Variants in DSP observed in about 807,000 individuals in gnomAD.
The protein encoded by DSP is desmoplakin, also known as 250/210 kDa paraneoplastic pemphigus antigen.
DSP carries 114 observed loss-of-function variants against 290.6 expected under a neutral mutation model. That is an observed-to-expected ratio of 0.39 (90% confidence interval 0.34 to 0.46). DSP has a LOEUF of 0.46. Ranked by LOEUF, DSP falls within the 20% of genes least tolerant of loss-of-function variation. The probability of loss-of-function intolerance (pLI) is 0.99; values close to 1 mark genes in which losing one functional copy is unlikely to be tolerated. For missense variants in DSP, 3,230 were observed against 3,495.8 expected, an observed-to-expected ratio of 0.92 and a Z score of 1.92; for synonymous variants, 1,311 against 1,316.4, an observed-to-expected ratio of 1.00 and a Z score of 0.09.
chr6:7,570,569 T>C lies in DSP; in HGVS notation c.1701+6T>C, dbSNP rs1759015188. ...GGGCCATGACAATCGCCAAGGTATGTCCTCAGGGCCACTTAGGCTGCCTGG... is the reference window on the plus strand; with the variant it reads ...GGGCCATGACAATCGCCAAGGTATGCCCTCAGGGCCACTTAGGCTGCCTGG... On this transcript the variant is annotated splice_donor_region_variant and intron_variant, in intron 13 of 23. Transcript: ENST00000379802. 1 of 1,612,684 alleles carries C rather than the reference T, an allele frequency of 6.2e-7. No individual in the cohort carries two copies. The highest frequency in any genetic ancestry group is 8.5e-7 in the Non-Finnish European group (1 of 1,180,000).
In DSP at chr6:7,586,466, T is replaced by TCTTTG. The variant is rs916012575; in HGVS notation, c.*592_*593insGCTTT. 6 of 152,290 alleles carry TCTTTG rather than the reference T, an allele frequency of 3.9e-5. No individual in the cohort carries two copies. The highest frequency in any genetic ancestry group is 1.2e-4 in the African/African-American group (5 of 41,454). The allele number at this position is 152,290 out of a possible 1,614,324, so 9.4% of individuals were successfully genotyped here. Reference sequence around the variant, plus strand: ...ATTTGACTGTGCATGACAGCGGCAATCTTTTCTTTGGTCAAAGTTTTCTGT... The same window carrying TCTTTG: ...ATTTGACTGTGCATGACAGCGGCAATCTTTGCTTTTCTTTGGTCAAAGTTTTCTGT... On this transcript the variant is annotated 3_prime_UTR_variant, in exon 24 of 24. Transcript: ENST00000379802.
chr6:7,579,529 A>T lies in DSP; in HGVS notation c.3339A>T (p.Arg1113=), dbSNP rs142413512. The change falls in exon 23 of 24, where the codon CGA becomes CGT. Residue 1113 remains arginine, a synonymous_variant. Coordinates refer to ENST00000379802, the MANE Select transcript of DSP (RefSeq NM_004415.4). This position sits in a 1 kb window ranked among gnomAD's most constrained non-coding sequence, Gnocchi z 4.1. The stretch of plus-strand genomic sequence containing the variant: ...AAGAACTCAATGAGAAGATCACCCG[A>T]CTGACTTATGAGATTGAAGATGAAA... The part of the protein sequence containing the change: ...QIKELNEKIT[R]LTYEIEDEKR... The T allele has an allele frequency of 6.2e-7, 1 of 1,613,866 alleles. No individual in the cohort carries two copies. The highest frequency in any genetic ancestry group is 1.3e-5 in the African/African-American group (1 of 74,920).
chr6:7,571,724 T>C, intron 14 of DSP, 118 bp from the exon 15 acceptor site: 2 of 1,497,334 alleles, frequency 1.3e-6, no homozygotes, highest in Non-Finnish European at 1.9e-6. Context: ...TTTTCAGAAT[T>C]GATTCTGAAA....
chr6:7,576,794 A>C (rs1282163819), intron 19 of DSP, among the ~76,000 whole-genome samples, 165 bp from the exon 20 acceptor site: 2 of 152,326 alleles, frequency 1.3e-5, no homozygotes, highest in African/African-American at 2.4e-5. Flanking sequence ...CTCTGAATGG[A>C]AAAAATGCTC....
At position 7,567,469 on chromosome 6, in the gene DSP, A is replaced by G. The variant is rs2113672635; in HGVS notation, c.1140+20A>G. 6.3e-7 allele frequency: 1 copy of G among 1,599,518 alleles called. No homozygotes were observed. The highest frequency in any genetic ancestry group is 8.6e-7 in the Non-Finnish European group (1 of 1,167,640). Reference sequence around the variant, plus strand: ...TTTCAGGTTTTTATATTTAGTGATAATTTTGTTGTTATTTAGGTCTTAATA... The same window carrying G: ...TTTCAGGTTTTTATATTTAGTGATAGTTTTGTTGTTATTTAGGTCTTAATA... On this transcript the variant is annotated intron_variant, in intron 9 of 23. Transcript: ENST00000379802.
chr6:7,565,835 G>C lies in DSP; in HGVS notation c.939+315G>C. The C allele has an allele frequency of 2.5e-6, 1 of 406,820 alleles. No homozygotes were observed. The highest frequency in any genetic ancestry group is 2.1e-5 in the South Asian group (1 of 47,238). 25.2% of individuals were successfully genotyped at this position (406,820 alleles called of 1,614,324 possible). On this transcript the variant is annotated intron_variant, in intron 7 of 23. Coordinates refer to ENST00000379802, the MANE Select transcript of DSP (RefSeq NM_004415.4). The surrounding 1 kb of genome is among the most constrained non-coding windows in gnomAD (Gnocchi z 4.2). ...GGGGCCTTTCGGAGGGCAGAGGGTG[G>C]AGGTGGAAGGAGGGAGAGGATCAGG...
At position 7,579,714 on chromosome 6, in the gene DSP, G is replaced by C; in HGVS notation, c.3524G>C (p.Arg1175Thr). ...AAGGAGTACGAGATTGAAAGGTTGA[G>C]GGTTCTACTGCAGGAAGAAGGCACC... ...KEKEYEIERL[R>T]VLLQEEGTRK... Residue 1175 changes from arginine (R) to threonine (T), a missense_variant, in exon 23 of 24, where the codon AGG becomes ACG. By Grantham distance (71) the Arg-to-Thr change is moderately conservative. Transcript: ENST00000379802. The surrounding 1 kb of genome is among the most constrained non-coding windows in gnomAD (Gnocchi z 4.1). 6.2e-7 allele frequency: 1 copy of C among 1,613,632 alleles called. No individual in the cohort carries two copies. Among genetic ancestry groups the C allele is most frequent in the Non-Finnish European group, 8.5e-7 (1 of 1,179,782 alleles).
chr6:7,541,893 C>A lies in DSP; in HGVS notation c.-23C>A. 3 of 1,602,082 alleles carry A rather than the reference C, an allele frequency of 1.9e-6. No individual in the cohort carries two copies. The highest frequency in any genetic ancestry group is 2.6e-6 in the Non-Finnish European group (3 of 1,176,386). ...CCTCGCTTATGCCTCGGCGCTGAGC[C>A]GCTCTCCCGATTGCCCGCCGACATG... On this transcript the variant is annotated 5_prime_UTR_variant, in exon 1 of 24. Transcript: ENST00000379802.
chr6:7,543,224 C>T (rs952879911), intron 1 of DSP, among the ~76,000 whole-genome samples: 11 of 152,072 alleles, frequency 7.2e-5, no homozygotes, highest in Admixed American at 2.0e-4. Flanking sequence ...AGCGCCGGGA[C>T]GTTATTTACC....
rs1238115459 is a variant in DSP, at chr6:7,562,656, A to C, written c.602A>C (p.Glu201Ala). The stretch of plus-strand genomic sequence containing the variant: ...CTCTTTGTCTTTGTGTCGCAGGCGG[A>C]GATGGACATGGTGGCCTGGGGTGTG... ...CLGWMRQQRA[E>A]MDMVAWGVDL... is the part of the protein sequence containing the mutation. The change falls in exon 5 of 24, where the codon GAG becomes GCG. Residue 201 changes from glutamate (E) to alanine (A), a missense_variant. Transcript: ENST00000379802. 3 of 1,614,132 alleles carry C rather than the reference A, an allele frequency of 1.9e-6. No homozygotes were observed. The highest frequency in any genetic ancestry group is 2.5e-6 in the Non-Finnish European group (3 of 1,180,000).
At chr6:7,550,236 G>A (rs1271750485) in intron 1 of DSP, among the ~76,000 whole-genome samples, 1 of 146,458 alleles carries the variant, frequency 6.8e-6, no homozygotes, top group Non-Finnish European at 1.5e-5. Context: ...TTTTTTTTCT[G>A]TAGAGATGGG....
At position 7,584,994 on chromosome 6, in the gene DSP, A is replaced by G. The variant is rs1759590390; in HGVS notation, c.7732A>G (p.Ser2578Gly). Residue 2578 changes from serine to glycine, a missense_variant, in exon 24 of 24, where the codon AGC becomes GGC. This residue lies in a region of DSP where 582 missense variants were observed against 555.4 expected (regional missense o/e 1.05). Coordinates refer to ENST00000379802, the MANE Select transcript of DSP (RefSeq NM_004415.4). This position sits in a 1 kb window ranked among gnomAD's most constrained non-coding sequence, Gnocchi z 6.4. Reference protein sequence around the residue: ...GTSSSMGSGVSDDVFSSSRHE... With the variant: ...GTSSSMGSGVGDDVFSSSRHE... ...CAGCAGCAGCATGGGCAGTGGTGTC[A>G]GCGATGATGTTTTTAGCAGCTCCCG... 6.2e-7 allele frequency: 1 copy of G among 1,614,226 alleles called. No individual in the cohort carries two copies. Among genetic ancestry groups the G allele is most frequent in the South Asian group, 1.1e-5 (1 of 91,088 alleles).
chr6:7,568,423 A>T lies in DSP; in HGVS notation c.1267-14A>T, dbSNP rs374439921. On this transcript the variant is annotated splice_polypyrimidine_tract_variant and intron_variant, in intron 10 of 23. Transcript: ENST00000379802. ...GGTATCTATGTTTAAGTATGATTTT[A>T]TTCACCATTGCAGAAAGAACGAGAG... 4.3e-6 allele frequency: 7 copies of T among 1,613,842 alleles called. No homozygotes were observed. In the African/African-American group the frequency reaches 9.3e-5, roughly 22 times the overall value.
intron 8 of DSP, 31 bp downstream of exon 8, chr6:7,566,512 GAA>G (rs200962599): frequency 3.0e-6 from 4 of 1,315,518 alleles, no homozygotes; most frequent in Admixed American, 2.1e-5. Context: ...ATTTTTGTTA[GAA>G]AAAAAAAAAC....
chr6:7,543,186 A>G (rs1212707522), intron 1 of DSP, among the ~76,000 whole-genome samples: 8 of 146,490 alleles, frequency 5.5e-5, no homozygotes, highest in Non-Finnish European at 1.2e-4. Context: ...AGTTGTTCCC[A>G]CGTCGGGCTT....
rs1758839026 is a variant in DSP, at chr6:7,565,613, T to G, written c.939+93T>G. 6.6e-7 allele frequency: 1 copy of G among 1,504,800 alleles called. No homozygotes were observed. The highest frequency in any genetic ancestry group is 1.8e-5 in the Admixed American group (1 of 56,840). 93.2% of individuals were successfully genotyped at this position (1,504,800 alleles called of 1,614,324 possible). A position where few individuals can be genotyped will look rare whatever the true frequency, so the allele number is the denominator to read the frequency against. ...GGGAATGATTGGTCTATTAATAATT[T>G]AATCAGCCACTTGCAATTCAGCCTT... On this transcript the variant is annotated intron_variant, in intron 7 of 23. Coordinates refer to ENST00000379802, the MANE Select transcript of DSP (RefSeq NM_004415.4). The surrounding 1 kb of genome is among the most constrained non-coding windows in gnomAD (Gnocchi z 4.2).
Position 7,584,963 on chromosome 6 carries a change from C to G in DSP, c.7701C>G (p.Val2567=). 1 of 1,614,176 alleles carries G rather than the reference C, an allele frequency of 6.2e-7. No homozygotes were observed. Among genetic ancestry groups the G allele is most frequent in the African/African-American group, 1.3e-5 (1 of 75,048 alleles). Residue 2567 remains valine (V), a synonymous_variant, in exon 24 of 24, where the codon GTC becomes GTG. Coordinates refer to ENST00000379802, the MANE Select transcript of DSP (RefSeq NM_004415.4). This position sits in a 1 kb window ranked among gnomAD's most constrained non-coding sequence, Gnocchi z 6.4. ...FADMISLKNG[V]GTSSSMGSGV... ...ACATGATCTCCTTGAAAAATGGTGT[C>G]GGCACCAGCAGCAGCATGGGCAGTG...
chr6:7,571,950 A>G lies in DSP; in HGVS notation c.2012A>G (p.Glu671Gly), dbSNP rs758530970. The change falls in exon 15 of 24, where the codon GAG becomes GGG. Residue 671 changes from glutamate to glycine, a missense_variant. Physicochemically the swap from Glu to Gly is moderately conservative, Grantham distance 98. Coordinates refer to ENST00000379802, the MANE Select transcript of DSP (RefSeq NM_004415.4). Reference protein sequence around the residue: ...NDKQETWMLMELQKIRRQIEH... With the variant: ...NDKQETWMLMGLQKIRRQIEH... ...AAGCAAGAAACATGGATGCTGATGGAGCTGCAGAAGATTCGCAGGCAGATA... is the reference window on the plus strand; with the variant it reads ...AAGCAAGAAACATGGATGCTGATGGGGCTGCAGAAGATTCGCAGGCAGATA... 3 of 1,614,194 alleles carry G rather than the reference A, an allele frequency of 1.9e-6. No homozygotes were observed. The highest frequency in any genetic ancestry group is 1.7e-5 in the Admixed American group (1 of 60,024).
rs1371480664 is a variant in DSP at position 7,585,081 on chromosome 6, A to G, written c.7819A>G (p.Ser2607Gly). 1.2e-6 allele frequency: 2 copies of G among 1,614,108 alleles called. No homozygotes were observed. Among genetic ancestry groups the G allele is most frequent in the Non-Finnish European group, 1.7e-6 (2 of 1,180,050 alleles). Residue 2607 changes from serine to glycine, a missense_variant, in exon 24 of 24, where the codon AGC becomes GGC. Ser to Gly is a moderately conservative substitution (Grantham distance 56). Coordinates refer to ENST00000379802, the MANE Select transcript of DSP (RefSeq NM_004415.4). Reference sequence around the variant, plus strand: ...CGTCAGGAATTTAACCATAAGGAGCAGCTCTTTTTCAGACACCCTGGAAGA... The same window carrying G: ...CGTCAGGAATTTAACCATAAGGAGCGGCTCTTTTTCAGACACCCTGGAAGA... ...SSVRNLTIRSSSFSDTLEESS... is the reference protein window; with the variant it reads ...SSVRNLTIRSGSFSDTLEESS...
Sources: allele counts gnomAD v4.1 joint callset (sites outside exome capture counted in the v4.1 genomes callset), GRCh38; gene constraint gnomAD v4.1.1; regional missense constraint gnomAD v4.1.1; non-coding constraint Gnocchi (gnomAD v3.1); transcripts MANE v1.5; gene names NCBI Gene and HGNC (gene_info 2026-07-23, HGNC 2026-07-21).